DPY19L1: variants seen among roughly 807,000 people sequenced by gnomAD.
The protein encoded by DPY19L1 is protein C-mannosyl-transferase DPY19L1.
Under a neutral mutation model 96.9 loss-of-function variants are expected in DPY19L1, and 35 were observed. The ratio of observed to expected loss-of-function variants is 0.36; its 90% CI spans 0.28 to 0.48. The LOEUF is 0.48. Among genes scored for constraint, DPY19L1 ranks in the 20% least tolerant of loss-of-function variants. DPY19L1 has a pLI of 0.99. For missense variants in DPY19L1, 521 were observed against 777.9 expected (o/e 0.67, Z 3.93); for synonymous variants, 205 against 252.6 (o/e 0.81, Z 1.79).
intron 10 of DPY19L1, among the ~76,000 whole-genome samples, chr7:34,958,791 G>GA (rs1309677338): frequency 2.0e-5 from 3 of 152,096 alleles, no homozygotes; most frequent in African/African-American, 7.2e-5. Context: ...ATCCAGTAGG[G>GA]AAAAAATGTT....
intron 1 of DPY19L1, among the ~76,000 whole-genome samples, chr7:35,026,650 G>A (rs544283884): frequency 1.3e-5 from 2 of 152,274 alleles, no homozygotes; most frequent in South Asian, 2.1e-4. Flanking sequence ...CAATCCAGGA[G>A]TAAGATGACC....
intron 14 of DPY19L1, among the ~76,000 whole-genome samples, chr7:34,949,410 G>A (rs1784223476): frequency 6.6e-6 from 1 of 152,120 alleles, no homozygotes; most frequent in Admixed American, 6.5e-5. Flanking sequence ...GAAAAATGCT[G>A]TTGGAATGAA....
At chr7:34,991,481 G>C (rs548210822) in intron 6 of DPY19L1, among the ~76,000 whole-genome samples, 3 of 152,182 alleles carry the variant, frequency 2.0e-5, no homozygotes, top group Admixed American at 2.0e-4. Context: ...GTGGACGCCA[G>C]GGTTCTCTCC....
chr7:34,957,510 G>A (rs544529919), intron 11 of DPY19L1, among the ~76,000 whole-genome samples: 2 of 152,256 alleles, frequency 1.3e-5, no homozygotes, highest in African/African-American at 4.8e-5. Context: ...GTTGTTCTTG[G>A]TAGTGATTTA....
At chr7:34,965,532 AG>A (rs966753679) in intron 10 of DPY19L1, among the ~76,000 whole-genome samples, 1 of 152,166 alleles carries the variant, frequency 6.6e-6, no homozygotes, top group African/African-American at 2.4e-5. Flanking sequence ...AGGAACAGTG[AG>A]GGGATGAGCT....
intron 10 of DPY19L1, among the ~76,000 whole-genome samples, chr7:34,963,674 C>T (rs979341842): frequency 1.3e-5 from 2 of 148,714 alleles, no homozygotes; most frequent in African/African-American, 2.5e-5. Flanking sequence ...TATCCATGGA[C>T]AGATTGAATG....
chr7:34,948,076 T>C (rs571141247), intron 14 of DPY19L1, among the ~76,000 whole-genome samples: 1 of 151,750 alleles, frequency 6.6e-6, no homozygotes, highest in East Asian at 1.9e-4. Flanking sequence ...AATATTATCC[T>C]TGAAACACAC....
intron 5 of DPY19L1, among the ~76,000 whole-genome samples, 164 bp downstream of exon 5, chr7:35,011,166 C>T (rs749644128): frequency 5.3e-5 from 8 of 152,128 alleles, no homozygotes; most frequent in Non-Finnish European, 7.4e-5. Flanking sequence ...GGACATAAAC[C>T]AGCCCCGCTA....
At chr7:34,989,737 GAA>G (rs1785127342) in intron 7 of DPY19L1, 145 bp downstream of exon 7, 1 of 648,516 alleles carries the variant, frequency 1.5e-6, no homozygotes, top group Non-Finnish European at 2.6e-6. Flanking sequence ...CAATGGTCAT[GAA>G]AAGTTAACTC....
intron 19 of DPY19L1, 51 bp downstream of exon 19, chr7:34,940,102 G>T: frequency 1.4e-6 from 2 of 1,421,812 alleles, no homozygotes; most frequent in Non-Finnish European, 1.8e-6. Flanking sequence ...ATAAAATTGT[G>T]GGAAAAACAG....
intron 7 of DPY19L1, among the ~76,000 whole-genome samples, chr7:34,984,359 A>G (rs1785003108): frequency 6.6e-6 from 1 of 152,178 alleles, no homozygotes; most frequent in Non-Finnish European, 1.5e-5. Flanking sequence ...AAGCATAGGA[A>G]ACAGCATGTG....
At chr7:34,972,490 G>A (rs1208930417) in intron 8 of DPY19L1, among the ~76,000 whole-genome samples, 1 of 152,114 alleles carries the variant, frequency 6.6e-6, no homozygotes, top group African/African-American at 2.4e-5. Context: ...AAAGCAGGAA[G>A]GAACTAGAGA....
chr7:34,947,084 TA>T (rs1784164217), intron 15 of DPY19L1, among the ~76,000 whole-genome samples: 1 of 152,092 alleles, frequency 6.6e-6, no homozygotes, highest in South Asian at 2.1e-4. Context: ...GCACAATTCT[TA>T]AAGAAAAAAA....
intron 21 of DPY19L1, among the ~76,000 whole-genome samples, chr7:34,934,265 A>G (rs1783818483): frequency 6.6e-6 from 1 of 152,098 alleles, no homozygotes; most frequent in Non-Finnish European, 1.5e-5. Context: ...GCCCGGCCAC[A>G]TCTATCCTAT....
At chr7:35,003,075 C>T (rs1363280307) in intron 6 of DPY19L1, among the ~76,000 whole-genome samples, 3 of 152,170 alleles carry the variant, frequency 2.0e-5, no homozygotes, top group Admixed American at 6.5e-5. Context: ...CGGCCAGCAA[C>T]CAACAATGTT....
intron 6 of DPY19L1, among the ~76,000 whole-genome samples, chr7:34,991,593 G>A (rs1401135172): frequency 6.6e-6 from 1 of 152,166 alleles, no homozygotes; most frequent in Non-Finnish European, 1.5e-5. Context: ...AGAGTTAACG[G>A]TTTAAAAAAC....
intron 18 of DPY19L1, chr7:34,940,681 T>A (rs983617499): frequency 1.2e-5 from 2 of 173,788 alleles, no homozygotes; most frequent in Admixed American, 1.3e-4. Context: ...TCAATCAAGT[T>A]CAGGGTCCTG....
chr7:34,976,742 C>T (rs1476038551), intron 7 of DPY19L1, among the ~76,000 whole-genome samples: 2 of 152,146 alleles, frequency 1.3e-5, no homozygotes, highest in African/African-American at 2.4e-5. Flanking sequence ...AAAGTAAGAC[C>T]CTCCATCTGA....
intron 3 of DPY19L1, 36 bp from the exon 4 acceptor site, chr7:35,013,741 G>C (rs776205791): frequency 6.6e-7 from 1 of 1,516,360 alleles, no homozygotes; most frequent in Admixed American, 2.0e-5. Context: ...AATAACAAAA[G>C]GTACATAATT....
Sources: allele counts gnomAD v4.1 joint callset (sites outside exome capture counted in the v4.1 genomes callset), GRCh38; gene constraint gnomAD v4.1.1; transcripts MANE v1.5; gene names NCBI Gene and HGNC (gene_info 2026-07-23, HGNC 2026-07-21).